Variants in MLKL observed in about 807,000 individuals in gnomAD.
The protein encoded by MLKL is mixed lineage kinase domain-like protein.
MLKL carries 55 observed loss-of-function variants against 56.5 expected under a neutral mutation model. That is an observed-to-expected ratio of 0.97 (90% CI 0.78 to 1.22). MLKL has a LOEUF of 1.22. MLKL is among the 50% of genes most tolerant of loss of function. The pLI is 0.00. For missense variants in MLKL, 694 were observed against 573.9 expected (o/e 1.21, Z -2.14); for synonymous variants, 251 against 208.3 (o/e 1.20, Z -1.76).
chr16:74,673,074 G>A (rs1006686687), intron 10 of MLKL, among the ~76,000 whole-genome samples: 2 of 152,204 alleles, frequency 1.3e-5, no homozygotes, highest in African/African-American at 4.8e-5. Context: ...ACCCTCTCAG[G>A]TAGTGTGAGA....
At chr16:74,673,891 T>C (rs769105444) in intron 10 of MLKL, among the ~76,000 whole-genome samples, 2 of 144,312 alleles carry the variant, frequency 1.4e-5, no homozygotes, top group African/African-American at 5.2e-5. Context: ...TAGAGTGCCA[T>C]GATCCTACCT....
intron 9 of MLKL, 109 bp from the exon 10 acceptor site, chr16:74,675,209 A>G: frequency 6.4e-7 from 1 of 1,555,614 alleles, no homozygotes; most frequent in Non-Finnish European, 8.8e-7. Context: ...GGAAACAACA[A>G]GAACTTCCAA....
chr16:74,695,708 C>T lies in MLKL; in HGVS notation c.50G>A (p.Arg17Gln), dbSNP rs139095706. The T allele has an allele frequency of 6.8e-5, 109 of 1,613,346 alleles. No individual in the cohort carries two copies. The African/African-American group carries it at 1.3e-3, about 20-fold the overall frequency. ...CTTGCAGTATTTCATCTCTTCACACCGTTTGTGGATGACCTGGCCAAGGGT... is the reference window on the plus strand; with the variant it reads ...CTTGCAGTATTTCATCTCTTCACACTGTTTGTGGATGACCTGGCCAAGGGT... Reference protein sequence around the residue: ...IITLGQVIHKRCEEMKYCKKQ... With the variant: ...IITLGQVIHKQCEEMKYCKKQ... The change falls in exon 2 of 11, where the codon CGG (arginine) becomes CAG (glutamine). Residue 17 changes from arginine (R) to glutamine (Q), a missense_variant. Transcript: ENST00000308807.
At chr16:74,690,697 G>C (rs1960608276) in intron 4 of MLKL, among the ~76,000 whole-genome samples, 1 of 137,760 alleles carries the variant, frequency 7.3e-6, no homozygotes, top group Non-Finnish European at 1.5e-5. Flanking sequence ...TGTGAGGATT[G>C]CTGGAGCCCA....
chr16:74,687,747 C>T (rs1960419425), intron 4 of MLKL, among the ~76,000 whole-genome samples: 1 of 152,140 alleles, frequency 6.6e-6, no homozygotes, highest in Admixed American at 6.5e-5. Context: ...CTGCTCACTG[C>T]AATACCTGCC....
intron 7 of MLKL, chr16:74,676,236 G>C (rs556155196): frequency 1.0e-5 from 10 of 992,108 alleles, no homozygotes; most frequent in African/African-American, 3.5e-5. Flanking sequence ...TTTATGGGGG[G>C]TCAGCCTGAT....
intron 1 of MLKL, among the ~76,000 whole-genome samples, chr16:74,696,797 A>C (rs1453382446): frequency 1.3e-5 from 2 of 151,112 alleles, no homozygotes; most frequent in Non-Finnish European, 3.0e-5. Flanking sequence ...GTCTCTACTA[A>C]AAATACAAAA....
chr16:74,692,324 G>C lies in MLKL; in HGVS notation c.535+18C>G. 1 of 1,609,514 alleles carries C rather than the reference G, an allele frequency of 6.2e-7. No individual in the cohort carries two copies. Among genetic ancestry groups the C allele is most frequent in the Non-Finnish European group, 8.5e-7 (1 of 1,176,950 alleles). On this transcript the variant is annotated intron_variant, in intron 3 of 10. Coordinates refer to ENST00000308807, the MANE Select transcript of MLKL (RefSeq NM_152649.4). ...AGTTTGGGGGCCATCAGAAACAGCA[G>C]GGCACATGATAACTTACACTGCCTC...
intron 7 of MLKL, chr16:74,676,479 C>T: frequency 6.1e-6 from 6 of 977,184 alleles, no homozygotes; most frequent in Non-Finnish European, 7.3e-6. Context: ...ATCCCCCTTT[C>T]ATTCATTCAT....
intron 10 of MLKL, 82 bp from the exon 11 acceptor site, chr16:74,672,620 A>G (rs1959300969): frequency 3.1e-6 from 4 of 1,300,774 alleles, no homozygotes; most frequent in Admixed American, 1.8e-5. Context: ...TCTACATTGC[A>G]CAGTCATTTA....
intron 5 of MLKL, among the ~76,000 whole-genome samples, chr16:74,684,501 T>TTTTG (rs1555532525): frequency 4.0e-5 from 6 of 151,266 alleles, no homozygotes; most frequent in African/African-American, 1.2e-4. Flanking sequence ...TGGTTTTTTT[T>TTTTG]TTTGTTTGTT....
At position 74,674,863 on chromosome 16, in the gene MLKL, G is replaced by A. The variant is rs148754785; in HGVS notation, c.1381+97C>T. 101 of 1,449,824 alleles carry A rather than the reference G, an allele frequency of 7.0e-5. No homozygotes were observed. In the African/African-American group the frequency reaches 9.2e-4, roughly 13 times the overall value. 89.8% of individuals were successfully genotyped at this position (1,449,824 alleles called of 1,614,324 possible). ...TGTTCCCCGGATAAAACCACCCCTC[G>A]TTGTAAACTACTGCCTTGGAGCTGG... On this transcript the variant is annotated intron_variant, in intron 10 of 10. Transcript: ENST00000308807.
chr16:74,676,567 G>C (rs1441909081), intron 7 of MLKL: 1 of 709,010 alleles, frequency 1.4e-6, no homozygotes, highest in African/African-American at 1.9e-5. Context: ...AGGGATGAAA[G>C]GTGGAATAGC....
chr16:74,675,018 C>T lies in MLKL; in HGVS notation c.1323G>A (p.Leu441=), dbSNP rs891430675. ...EPLGEDCPSE[L]REIIDECRAH... The stretch of plus-strand genomic sequence containing the variant: ...CCCGGCACTCATCAATGATCTCCCG[C>T]AGCTCTGAAGGGCAGTCTTCACCCA... Residue 441 remains leucine, a synonymous_variant, in exon 10 of 11, where the codon CTG becomes CTA. Transcript: ENST00000308807. 3 of 1,614,230 alleles carry T rather than the reference C, an allele frequency of 1.9e-6. No homozygotes were observed. Among genetic ancestry groups the T allele is most frequent in the African/African-American group, 1.3e-5 (1 of 75,066 alleles).
At chr16:74,682,307 T>C (rs1960027046) in intron 6 of MLKL, among the ~76,000 whole-genome samples, 1 of 152,260 alleles carries the variant, frequency 6.6e-6, no homozygotes, top group Middle Eastern at 3.4e-3. Flanking sequence ...CCATGCAATG[T>C]TTAGGATGCA....
intron 7 of MLKL, chr16:74,676,106 G>A (rs1480386661): frequency 2.3e-5 from 8 of 341,234 alleles, no homozygotes; most frequent in Admixed American, 5.3e-5. Flanking sequence ...TTTCTCAGTT[G>A]AGGACTGAAC....
intron 4 of MLKL, among the ~76,000 whole-genome samples, chr16:74,688,604 C>A (rs1960478416): frequency 1.3e-5 from 2 of 152,020 alleles, no homozygotes; most frequent in South Asian, 4.1e-4. Flanking sequence ...GTTCCAGCTA[C>A]TCGGGAGGCT....
chr16:74,694,856 T>TTTTGTTTGTTTGTTTG (rs112051972), intron 2 of MLKL, among the ~76,000 whole-genome samples: 27 of 150,930 alleles, frequency 1.8e-4, no homozygotes, highest in Middle Eastern at 3.4e-3. Flanking sequence ...ATGTTAGGAG[T>TTTTGTTTGTTTGTTTG]TTTGTTTGTT....
chr16:74,695,083 A>G (rs1426368664), intron 2 of MLKL, among the ~76,000 whole-genome samples: 1 of 152,164 alleles, frequency 6.6e-6, no homozygotes, highest in Non-Finnish European at 1.5e-5. Context: ...CGTGTTAGCC[A>G]GGATGGTCTC....
Sources: allele counts gnomAD v4.1 joint callset (sites outside exome capture counted in the v4.1 genomes callset), GRCh38; gene constraint gnomAD v4.1.1; transcripts MANE v1.5; gene names NCBI Gene and HGNC (gene_info 2026-07-23, HGNC 2026-07-21).